SERPINA1: variants seen among roughly 807,000 people sequenced by gnomAD.
The protein encoded by SERPINA1 is serpin family A member 1, also known as alpha-1-antitrypsin.
SERPINA1 carries 21 observed loss-of-function variants against 25.4 expected under a neutral mutation model. The observed-to-expected ratio is 0.83, with a 90% CI of 0.59 to 1.19. The LOEUF (loss-of-function observed/expected upper bound fraction) is 1.19, where lower values mean the gene tolerates loss of function less well. Among genes scored for constraint, SERPINA1 ranks in the 50% most tolerant of loss-of-function variants. The probability of loss-of-function intolerance (pLI) is 0.00; values close to 1 mark genes in which losing one functional copy is unlikely to be tolerated. For synonymous variants in SERPINA1, 218 were observed against 211.1 expected (o/e 1.03, Z -0.29); for missense variants, 546 against 509.0 (o/e 1.07, Z -0.70).
At chr14:94,383,265 C>T (rs377110234) in intron 1 of SERPINA1, 24 bp from the exon 2 acceptor site, 7 of 1,602,608 alleles carry the variant, frequency 4.4e-6, no homozygotes, top group Non-Finnish European at 5.9e-6. Context: ...ATGGGGGGGC[C>T]AGGCCCCGAG....
Position 94,378,092 on chromosome 14 carries a change from T to G in SERPINA1, c.*357A>C. ...GCTTGGTGGAGCCTGGGGTCATGGC[T>G]GGTATCTGGTTCCTCCCCTGTGATT... is the stretch of plus-strand genomic sequence containing the variant. On this transcript the variant is annotated 3_prime_UTR_variant, in exon 5 of 5. Transcript: ENST00000393087. 3.4e-6 allele frequency: 1 copy of G among 295,822 alleles called. No individual in the cohort carries two copies. The highest frequency in any genetic ancestry group is 6.4e-6 in the Non-Finnish European group (1 of 156,878). 18.3% of individuals were successfully genotyped at this position (295,822 alleles called of 1,614,324 possible). A position where few individuals can be genotyped will look rare whatever the true frequency, so the allele number is the denominator to read the frequency against.
chr14:94,387,561 C>T (rs1411279501), intron 1 of SERPINA1, among the ~76,000 whole-genome samples: 1 of 152,134 alleles, frequency 6.6e-6, no homozygotes, highest in African/African-American at 2.4e-5. Context: ...TCATGTTTTG[C>T]CCAAGAGAAC....
chr14:94,383,031 G>A lies in SERPINA1; in HGVS notation c.207C>T (p.Ser69=), dbSNP rs974200634. 1.2e-6 allele frequency: 2 copies of A among 1,612,546 alleles called. No homozygotes were observed. Among genetic ancestry groups the A allele is most frequent in the East Asian group, 2.2e-5 (1 of 44,852 alleles). ...GGGAGAAGAAGATATTGGTGCTGTTGGACTGGTGTGCCAGCTGGCGGTATA... is the reference window on the plus strand; with the variant it reads ...GGGAGAAGAAGATATTGGTGCTGTTAGACTGGTGTGCCAGCTGGCGGTATA... ...FSLYRQLAHQ[S]NSTNIFFSPV... The change falls in exon 2 of 5, where the codon TCC becomes TCT. Residue 69 remains serine (S), a synonymous_variant. Coordinates refer to ENST00000393087, the MANE Select transcript of SERPINA1 (RefSeq NM_000295.5).
In SERPINA1 at chr14:94,378,157, G is replaced by T; in HGVS notation, c.*292C>A. ...CCAAGACAGGACAAGGAAGACTGGA[G>T]CCCTCCAGAAACAGATGGGCCCAGG... On this transcript the variant is annotated 3_prime_UTR_variant, in exon 5 of 5. Coordinates refer to ENST00000393087, the MANE Select transcript of SERPINA1 (RefSeq NM_000295.5). 3 of 491,500 alleles carry T rather than the reference G, an allele frequency of 6.1e-6. No homozygotes were observed. The South Asian group carries it at 7.0e-5, about 12-fold the overall frequency. 30.4% of individuals were successfully genotyped at this position (491,500 alleles called of 1,614,324 possible).
chr14:94,379,243 CA>C, intron 4 of SERPINA1: 1 of 648,774 alleles, frequency 1.5e-6, no homozygotes. Context: ...GACACAACCT[CA>C]AGGGAGGCCC....
At chr14:94,385,845 G>A (rs1398227138) in intron 1 of SERPINA1, among the ~76,000 whole-genome samples, 1 of 152,124 alleles carries the variant, frequency 6.6e-6, no homozygotes, top group Admixed American at 6.5e-5. Flanking sequence ...ACCTACTCTG[G>A]TTTCCTCCTT....
chr14:94,379,640 T>C (rs756222621), intron 3 of SERPINA1, 29 bp from the exon 4 acceptor site: 33 of 1,613,944 alleles, frequency 2.0e-5, no homozygotes, highest in Non-Finnish European at 2.5e-5. Context: ...ATTCAAGGCA[T>C]GGCACAGCAT....
At chr14:94,388,357 A>G (rs543515415) in intron 1 of SERPINA1, among the ~76,000 whole-genome samples, 16 of 152,236 alleles carry the variant, frequency 1.1e-4, no homozygotes, top group African/African-American at 3.6e-4. Context: ...GGGACCGGGC[A>G]GGACTGGGAA....
Position 94,378,444 on chromosome 14 carries a change from G to A in SERPINA1, c.*5C>T, listed in dbSNP as rs1277775942. ...GGAGGGGAGGGGTTGAGGAGCGAGAGGCAGTTATTTTTGGGTGGGATTCAC... is the reference window on the plus strand; with the variant it reads ...GGAGGGGAGGGGTTGAGGAGCGAGAAGCAGTTATTTTTGGGTGGGATTCAC... On this transcript the variant is annotated 3_prime_UTR_variant, in exon 5 of 5. Coordinates refer to ENST00000393087, the MANE Select transcript of SERPINA1 (RefSeq NM_000295.5). 16 of 1,613,514 alleles carry A rather than the reference G, an allele frequency of 9.9e-6. No homozygotes were observed. The highest frequency in any genetic ancestry group is 3.3e-4 in the Middle Eastern group (2 of 6,084).
intron 4 of SERPINA1, 131 bp downstream of exon 4, chr14:94,379,333 C>T: frequency 7.4e-7 from 1 of 1,356,252 alleles, no homozygotes. Context: ...TCACGGGCAT[C>T]TTCAGGAGCT....
At chr14:94,388,136 T>C (rs1390815210) in intron 1 of SERPINA1, among the ~76,000 whole-genome samples, 1 of 151,870 alleles carries the variant, frequency 6.6e-6, no homozygotes, top group Non-Finnish European at 1.5e-5. Context: ...GCCCAAGCAG[T>C]AGGAGAGGTG....
chr14:94,379,263 C>T, intron 4 of SERPINA1: 1 of 721,856 alleles, frequency 1.4e-6, no homozygotes, highest in Non-Finnish European at 2.3e-6. Context: ...CCCGAAAGTG[C>T]CAGCTGCACA....
At position 94,378,554 on chromosome 14, in the gene SERPINA1, G is replaced by C. The variant is rs764340766; in HGVS notation, c.1152C>G (p.Ile384Met). 1.2e-6 allele frequency: 2 copies of C among 1,614,034 alleles called. No homozygotes were observed. Among genetic ancestry groups the C allele is most frequent in the Non-Finnish European group, 1.7e-6 (2 of 1,179,984 alleles). Reference protein sequence around the residue: ...AMFLEAIPMSIPPEVKFNKPF... With the variant: ...AMFLEAIPMSMPPEVKFNKPF... ...GTTTGTTGAACTTGACCTCGGGGGG[G>C]ATAGACATGGGTATGGCCTCTAAAA... is the stretch of plus-strand genomic sequence containing the variant. Residue 384 changes from isoleucine to methionine, a missense_variant, in exon 5 of 5, where the codon ATC becomes ATG. Ile to Met is a conservative substitution (Grantham distance 10, BLOSUM62 1). Coordinates refer to ENST00000393087, the MANE Select transcript of SERPINA1 (RefSeq NM_000295.5).
At chr14:94,380,171 A>G (rs1896784490) in intron 3 of SERPINA1, among the ~76,000 whole-genome samples, 1 of 152,404 alleles carries the variant, frequency 6.6e-6, no homozygotes. Flanking sequence ...AGGTGCTGGC[A>G]TGGAACAGAG....
In SERPINA1 at chr14:94,381,006, C is replaced by A. The variant is rs778732023; in HGVS notation, c.782G>T (p.Ser261Ile). Residue 261 changes from serine (S) to isoleucine (I), a missense_variant, in exon 3 of 5, where the codon AGC (serine) becomes ATC (isoleucine). By Grantham distance (142) the Ser-to-Ile change is moderately radical (BLOSUM62 -2). Coordinates refer to ENST00000393087, the MANE Select transcript of SERPINA1 (RefSeq NM_000295.5). ...CAGGTATTTCATCAGCAGCACCCAGCTGGACAGCTTCTTACAGTGCTGGAT... is the reference window on the plus strand; with the variant it reads ...CAGGTATTTCATCAGCAGCACCCAGATGGACAGCTTCTTACAGTGCTGGAT... ...FNIQHCKKLS[S>I]WVLLMKYLGN... The A allele has an allele frequency of 1.9e-6, 3 of 1,614,146 alleles. No individual in the cohort carries two copies. The highest frequency in any genetic ancestry group is 2.5e-6 in the Non-Finnish European group (3 of 1,180,026).
intron 4 of SERPINA1, 198 bp downstream of exon 4, chr14:94,379,266 G>T: frequency 1.3e-6 from 1 of 741,924 alleles, no homozygotes; most frequent in Non-Finnish European, 2.3e-6. Context: ...GAAAGTGCCA[G>T]CTGCACAGCA....
Position 94,377,041 on chromosome 14 carries a change from A to G in SERPINA1, c.*1408T>C, listed in dbSNP as rs964717472. On this transcript the variant is annotated 3_prime_UTR_variant, in exon 5 of 5. Transcript: ENST00000393087. ...GTGAGTAAGCTTAAGAGAACAGGAGACTTGTGTGGGAAACAGTCGGTATCC... is the reference window on the plus strand; with the variant it reads ...GTGAGTAAGCTTAAGAGAACAGGAGGCTTGTGTGGGAAACAGTCGGTATCC... The G allele has an allele frequency of 2.0e-5, 3 of 152,160 alleles. No homozygotes were observed. Among genetic ancestry groups the G allele is most frequent in the Admixed American group, 1.3e-4 (2 of 15,278 alleles). 9.4% of individuals were successfully genotyped at this position (152,160 alleles called of 1,614,324 possible). A position where few individuals can be genotyped will look rare whatever the true frequency, so the allele number is the denominator to read the frequency against.
intron 1 of SERPINA1, among the ~76,000 whole-genome samples, chr14:94,386,060 C>T (rs2139711526): frequency 6.6e-6 from 1 of 152,312 alleles, no homozygotes; most frequent in Admixed American, 6.5e-5. Flanking sequence ...CATTATGCCT[C>T]CCAAGCTGTT....
At chr14:94,379,643 C>T (rs796543728) in intron 3 of SERPINA1, 32 bp from the exon 4 acceptor site, 2 of 1,613,950 alleles carry the variant, frequency 1.2e-6, no homozygotes, top group African/African-American at 1.3e-5. Context: ...CAAGGCATGG[C>T]ACAGCATTCC....
Sources: gnomAD v4.1 joint callset for allele counts (sites outside exome capture counted in the v4.1 genomes callset) on GRCh38, gnomAD v4.1.1 for gene constraint, MANE v1.5 for transcripts, NCBI Gene and HGNC (gene_info 2026-07-23, HGNC 2026-07-21) for gene names.